Variants in ARPC2 observed in about 807,000 individuals in gnomAD.
ARPC2 encodes the protein actin-related protein 2/3 complex subunit 2.
ARPC2 carries 4 observed loss-of-function variants against 38.6 expected under a neutral mutation model. The observed-to-expected ratio is 0.10, with a 90% CI of 0.05 to 0.24. ARPC2 has a LOEUF of 0.24. Ranked by LOEUF, ARPC2 falls within the 10% of genes least tolerant of loss-of-function variation. ARPC2 has a pLI of 1.00. For synonymous variants in ARPC2, 125 were observed against 140.8 expected (o/e 0.89, Z 0.79); for missense variants, 229 against 387.3 (o/e 0.59, Z 3.43).
chr2:218,237,323 C>T (rs769787474), intron 5 of ARPC2, among the ~76,000 whole-genome samples: 5 of 152,104 alleles, frequency 3.3e-5, no homozygotes, highest in Non-Finnish European at 7.4e-5. Context: ...CCTCAGCCTC[C>T]GGAGTACCTG....
intron 10 of ARPC2, chr2:218,252,884 T>TTAA (rs773617714): frequency 2.2e-6 from 1 of 456,468 alleles, no homozygotes; most frequent in Non-Finnish European, 4.4e-6. Context: ...ATGAACAGAC[T>TTAA]GTTCATAAGC....
intron 3 of ARPC2, among the ~76,000 whole-genome samples, chr2:218,226,811 GT>G (rs1689507668): frequency 6.7e-6 from 1 of 150,242 alleles, no homozygotes; most frequent in South Asian, 2.1e-4. Context: ...AGGTTTTTTT[GT>G]TGTGTTTTTT....
At chr2:218,244,694 C>A (rs1002096094) in intron 7 of ARPC2, among the ~76,000 whole-genome samples, 6 of 152,210 alleles carry the variant, frequency 3.9e-5, no homozygotes, top group African/African-American at 1.4e-4. Flanking sequence ...TAGAAGGGCA[C>A]GCAGGCCACA....
At chr2:218,246,606 C>T (rs537628534) in intron 8 of ARPC2, among the ~76,000 whole-genome samples, 8 of 152,064 alleles carry the variant, frequency 5.3e-5, no homozygotes, top group Admixed American at 2.6e-4. Context: ...TTTGGGAGTC[C>T]GAGGTTGGTG....
intron 3 of ARPC2, 152 bp downstream of exon 3, chr2:218,226,106 C>G: frequency 1.4e-6 from 1 of 737,636 alleles, no homozygotes; most frequent in Non-Finnish European, 2.2e-6. Context: ...AACAGCCTGG[C>G]AAACATGGTG....
chr2:218,231,917 A>G (rs570138951), intron 4 of ARPC2, among the ~76,000 whole-genome samples: 1 of 142,966 alleles, frequency 7.0e-6, no homozygotes, highest in African/African-American at 2.6e-5. Flanking sequence ...CAGCCTGGGC[A>G]ACGTAGTGAG....
intron 4 of ARPC2, among the ~76,000 whole-genome samples, chr2:218,232,606 T>C (rs188428009): frequency 1.2e-3 from 166 of 137,126 alleles, no homozygotes; most frequent in South Asian, 9.0e-3. Context: ...CGGGCTGGAG[T>C]GCACCCAGGC....
In ARPC2 at chr2:218,217,270, G is replaced by GGGTT; in HGVS notation, c.-9+19_-9+20insTGGT. On this transcript the variant is annotated intron_variant, in intron 1 of 10. Coordinates refer to ENST00000315717, the MANE Select transcript of ARPC2 (RefSeq NM_152862.3). ...CGGGGGCCAGGTCGGTTGGGTGGGT[G>GGGTT]GGTGTCTCCACAGTCTGCGTGCGTG... 1 of 549,224 alleles carries GGGTT rather than the reference G, an allele frequency of 1.8e-6. No homozygotes were observed. Among genetic ancestry groups the GGGTT allele is most frequent in the South Asian group, 2.2e-5 (1 of 45,380 alleles). 34.0% of individuals were successfully genotyped at this position (549,224 alleles called of 1,614,324 possible).
intron 2 of ARPC2, among the ~76,000 whole-genome samples, chr2:218,220,288 G>A (rs764268200): frequency 2.6e-5 from 4 of 152,176 alleles, no homozygotes; most frequent in Non-Finnish European, 5.9e-5. Flanking sequence ...ATTACAGTTC[G>A]GAGCAGCCTT....
chr2:218,226,922 A>T (rs758709180), intron 3 of ARPC2: 1 of 447,482 alleles, frequency 2.2e-6, no homozygotes, highest in Non-Finnish European at 4.5e-6. Context: ...AGATGTGTTC[A>T]TCAAGTCAGA....
At chr2:218,246,729 A>C (rs1187149625) in intron 8 of ARPC2, among the ~76,000 whole-genome samples, 1 of 151,900 alleles carries the variant, frequency 6.6e-6, no homozygotes, top group East Asian at 1.9e-4. Context: ...CCAGCACTTT[A>C]AGAGGCCAAG....
At chr2:218,251,362 C>T (rs553671903) in intron 10 of ARPC2, among the ~76,000 whole-genome samples, 2 of 152,258 alleles carry the variant, frequency 1.3e-5, no homozygotes, top group Admixed American at 1.3e-4. Context: ...CAGGCGTGCG[C>T]CACTAAGCCC....
chr2:218,251,257 G>C (rs1248332444), intron 10 of ARPC2, among the ~76,000 whole-genome samples: 1 of 152,204 alleles, frequency 6.6e-6, no homozygotes, highest in Non-Finnish European at 1.5e-5. Flanking sequence ...TGAAGCACAG[G>C]CTGGAGTGCA....
Position 218,245,663 on chromosome 2 carries a change from A to C in ARPC2, c.676+117A>C, listed in dbSNP as rs568880139. Reference sequence around the variant, plus strand: ...AAGGTAGGCAAACGCAGGCATACCAACTTGTTCCTGTTGCCATTGCAGTGA... The same window carrying C: ...AAGGTAGGCAAACGCAGGCATACCACCTTGTTCCTGTTGCCATTGCAGTGA... On this transcript the variant is annotated intron_variant, in intron 8 of 10. Transcript: ENST00000315717. 4.3e-6 allele frequency: 6 copies of C among 1,389,606 alleles called. No individual in the cohort carries two copies. In the Admixed American group the frequency reaches 1.0e-4, roughly 24 times the overall value. 86.1% of individuals were successfully genotyped at this position (1,389,606 alleles called of 1,614,324 possible).
intron 10 of ARPC2, among the ~76,000 whole-genome samples, chr2:218,250,663 C>CAAA (rs35549624): frequency 3.3e-5 from 4 of 120,138 alleles, no homozygotes; most frequent in Non-Finnish European, 3.4e-5. Flanking sequence ...GACTTAGTCT[C>CAAA]AAAAAAAAAA....
chr2:218,241,976 T>C (rs755279005), intron 7 of ARPC2, among the ~76,000 whole-genome samples: 1 of 152,216 alleles, frequency 6.6e-6, no homozygotes, highest in Non-Finnish European at 1.5e-5. Context: ...TGTAAATTTC[T>C]CGGAAAAAGA....
At chr2:218,252,684 G>A (rs544030592) in intron 10 of ARPC2, among the ~76,000 whole-genome samples, 49 of 152,262 alleles carry the variant, frequency 3.2e-4, no homozygotes, top group Admixed American at 1.0e-3. Context: ...ATAGTCTCAG[G>A]GCTGCCAGCA....
chr2:218,235,058 T>C lies in ARPC2; in HGVS notation c.268+661T>C, dbSNP rs148786834. On this transcript the variant is annotated intron_variant, in intron 5 of 10. Coordinates refer to ENST00000315717, the MANE Select transcript of ARPC2 (RefSeq NM_152862.3). ...AGTGAGAACCAGGTAGTAAGACCAT[T>C]GGAACATAATATTTTTTACTCAACT... 1.3e-4 allele frequency: 39 copies of C among 293,812 alleles called. 2 individuals carry two copies. In the East Asian group the frequency reaches 3.7e-3, roughly 28 times the overall value. 18.2% of individuals were successfully genotyped at this position (293,812 alleles called of 1,614,324 possible). A position where few individuals can be genotyped will look rare whatever the true frequency, so the allele number is the denominator to read the frequency against.
At chr2:218,247,079 G>C (rs1360175213) in intron 8 of ARPC2, among the ~76,000 whole-genome samples, 6 of 151,982 alleles carry the variant, frequency 3.9e-5, no homozygotes, top group African/African-American at 1.5e-4. Flanking sequence ...GAGCTGTGAT[G>C]GCACCACTAC....
Sources: gnomAD v4.1 joint callset for allele counts (sites outside exome capture counted in the v4.1 genomes callset) on GRCh38, gnomAD v4.1.1 for gene constraint, MANE v1.5 for transcripts, NCBI Gene and HGNC (gene_info 2026-07-23, HGNC 2026-07-21) for gene names.